The following RASGRF2 variants were observed in gnomAD, a reference collection of about 807,000 sequenced individuals.
RASGRF2 encodes ras-specific guanine nucleotide-releasing factor 2.
In RASGRF2, 76 loss-of-function variants were observed where a neutral mutation model predicts 151.0. That is an observed-to-expected ratio of 0.50 (90% CI 0.42 to 0.61). RASGRF2 has a LOEUF of 0.61. Ranked by LOEUF, RASGRF2 falls within the 20% of genes least tolerant of loss-of-function variation. The pLI is 0.00. For synonymous variants in RASGRF2, 504 were observed against 566.5 expected, an observed-to-expected ratio of 0.89 and a Z score of 1.57; for missense variants, 1,148 against 1,564.6, an observed-to-expected ratio of 0.73 and a Z score of 4.49.
chr5:81,104,299 A>C (rs1187301698), intron 12 of RASGRF2, among the ~76,000 whole-genome samples: 1 of 152,092 alleles, frequency 6.6e-6, no homozygotes, highest in East Asian at 1.9e-4. Flanking sequence ...AAAAACATTA[A>C]GATAAATAAA....
chr5:80,993,609 A>C (rs1003634297), intron 1 of RASGRF2, among the ~76,000 whole-genome samples: 1 of 152,232 alleles, frequency 6.6e-6, no homozygotes, highest in African/African-American at 2.4e-5. Context: ...AAGGGAGGGC[A>C]GGGCTTTGGG....
chr5:81,125,251 A>G (rs534013118), intron 16 of RASGRF2, among the ~76,000 whole-genome samples: 5 of 152,304 alleles, frequency 3.3e-5, no homozygotes, highest in Admixed American at 2.0e-4. Context: ...AAGGTAAAGT[A>G]TATGGCTCCA....
chr5:81,048,309 C>A (rs1239015638), intron 2 of RASGRF2, among the ~76,000 whole-genome samples: 1 of 152,082 alleles, frequency 6.6e-6, no homozygotes, highest in African/African-American at 2.4e-5. Context: ...CTAAGAAATT[C>A]TGTCAGGGCT....
chr5:80,982,756 AC>A (rs1408228817), intron 1 of RASGRF2, among the ~76,000 whole-genome samples: 1 of 151,544 alleles, frequency 6.6e-6, no homozygotes, highest in Non-Finnish European at 1.5e-5. Flanking sequence ...GCCTGCCACC[AC>A]CCCCGGCTCA....
chr5:81,156,332 GA>G (rs1006724748), intron 17 of RASGRF2, among the ~76,000 whole-genome samples: 1 of 152,102 alleles, frequency 6.6e-6, no homozygotes, highest in African/African-American at 2.4e-5. Context: ...AAATGGAGGA[GA>G]AAACATTTTT....
chr5:81,145,969 G>A (rs1471428216), intron 17 of RASGRF2, among the ~76,000 whole-genome samples: 2 of 152,160 alleles, frequency 1.3e-5, no homozygotes, highest in Admixed American at 6.5e-5. Context: ...AACGTAAGGG[G>A]CATATTTTCA....
intron 1 of RASGRF2, among the ~76,000 whole-genome samples, chr5:81,030,258 T>C (rs1186090041): frequency 1.3e-5 from 2 of 152,184 alleles, no homozygotes; most frequent in Non-Finnish European, 2.9e-5. Context: ...TTCCCCAATC[T>C]AGCAAGGCAG....
At chr5:81,029,140 A>G (rs755348416) in intron 1 of RASGRF2, among the ~76,000 whole-genome samples, 10 of 152,148 alleles carry the variant, frequency 6.6e-5, no homozygotes, top group African/African-American at 9.6e-5. Context: ...TAGGTAAACA[A>G]AGTAGCTGGG....
intron 7 of RASGRF2, among the ~76,000 whole-genome samples, chr5:81,085,373 A>T (rs903900878): frequency 2.6e-5 from 4 of 152,220 alleles, no homozygotes; most frequent in Non-Finnish European, 4.4e-5. Context: ...CCAAGTTTTA[A>T]TTCTTAGGGA....
intron 1 of RASGRF2, among the ~76,000 whole-genome samples, chr5:80,982,580 C>CTATTATTATTATTGTTATTAT (rs1748337266): frequency 7.4e-6 from 1 of 135,170 alleles, no homozygotes; most frequent in Non-Finnish European, 1.6e-5. Context: ...AAATTTGGTT[C>CTATTATTATTATTGTTATTAT]TATTATTATT....
At chr5:81,093,298 A>C (rs1752444682) in intron 10 of RASGRF2, among the ~76,000 whole-genome samples, 1 of 152,244 alleles carries the variant, frequency 6.6e-6, no homozygotes, top group East Asian at 1.9e-4. Flanking sequence ...TTCTCAAATC[A>C]CTACAATGTA....
intron 1 of RASGRF2, among the ~76,000 whole-genome samples, chr5:81,036,519 A>G (rs780158687): frequency 6.6e-6 from 1 of 152,140 alleles, no homozygotes; most frequent in Non-Finnish European, 1.5e-5. Context: ...TGGAATTAAT[A>G]ATTGCCACCC....
In RASGRF2 at chr5:81,180,162, T is replaced by G. The variant is rs762541018; in HGVS notation, c.2687-13T>G. ...TTTAACTGCAACACGTGTGTGTTTC[T>G]TTTTCTCCTAAGGCTTTAACAACAC... is the stretch of plus-strand genomic sequence containing the variant. On this transcript the variant is annotated splice_polypyrimidine_tract_variant and intron_variant, in intron 17 of 26. Coordinates refer to ENST00000265080, the MANE Select transcript of RASGRF2 (RefSeq NM_006909.3). 3 of 1,527,328 alleles carry G rather than the reference T, an allele frequency of 2.0e-6. No homozygotes were observed. In the South Asian group the frequency reaches 3.4e-5, roughly 17 times the overall value. The allele number at this position is 1,527,328 out of a possible 1,614,324, so 94.6% of individuals were successfully genotyped here. A position where few individuals can be genotyped will look rare whatever the true frequency, so the allele number is the denominator to read the frequency against.
At chr5:81,042,711 G>A (rs1159027030) in intron 1 of RASGRF2, among the ~76,000 whole-genome samples, 166 bp from the exon 2 acceptor site, 1 of 152,204 alleles carries the variant, frequency 6.6e-6, no homozygotes, top group Non-Finnish European at 1.5e-5. Context: ...TAGGTGCAGA[G>A]TCATTGCCAA....
rs371482149 is a variant in RASGRF2 at position 81,085,795 on chromosome 5, C to G, written c.1162-7C>G. ...TCTTGCTCATACTGGCCTCTGTTTG[C>G]ATCTAGATCCCCAGATATATCATCA... On this transcript the variant is annotated splice_region_variant and splice_polypyrimidine_tract_variant and intron_variant, in intron 7 of 26. Coordinates refer to ENST00000265080, the MANE Select transcript of RASGRF2 (RefSeq NM_006909.3). 8 of 1,614,018 alleles carry G rather than the reference C, an allele frequency of 5.0e-6. No homozygotes were observed. In the African/African-American group the frequency reaches 9.3e-5, roughly 19 times the overall value.
intron 2 of RASGRF2, among the ~76,000 whole-genome samples, chr5:81,051,089 A>G (rs1196380893): frequency 6.6e-6 from 1 of 152,074 alleles, no homozygotes; most frequent in Non-Finnish European, 1.5e-5. Flanking sequence ...TTATCATCTC[A>G]TGTCCTTTTC....
chr5:81,149,173 A>G (rs1044763393), intron 17 of RASGRF2, among the ~76,000 whole-genome samples: 1 of 152,238 alleles, frequency 6.6e-6, no homozygotes, highest in Non-Finnish European at 1.5e-5. Flanking sequence ...AAGACACACG[A>G]TCATGCATGT....
chr5:81,168,309 C>CCT (rs1554039607), intron 17 of RASGRF2, among the ~76,000 whole-genome samples: 2 of 115,992 alleles, frequency 1.7e-5, no homozygotes, highest in Non-Finnish European at 3.3e-5. Flanking sequence ...TTTTTCTTCT[C>CCT]TTTTTTTTTT....
intron 1 of RASGRF2, among the ~76,000 whole-genome samples, chr5:80,977,748 C>T (rs980503642): frequency 6.6e-6 from 1 of 152,192 alleles, no homozygotes. Context: ...TAAGCCACTG[C>T]ACCTGGCCCA....
Sources: gnomAD v4.1 joint callset for allele counts (sites outside exome capture counted in the v4.1 genomes callset) on GRCh38, gnomAD v4.1.1 for gene constraint, MANE v1.5 for transcripts, NCBI Gene and HGNC (gene_info 2026-07-23, HGNC 2026-07-21) for gene names.